The following PIK3C2G variants were observed in gnomAD, a reference collection of about 807,000 sequenced individuals.
The protein encoded by PIK3C2G is phosphatidylinositol-4-phosphate 3-kinase catalytic subunit type 2 gamma, also known as phosphatidylinositol 3-kinase C2 domain-containing subunit gamma.
A neutral mutation model predicts 181.1 loss-of-function variants in PIK3C2G; 168 were observed. The observed-to-expected ratio is 0.93, with a 90% CI of 0.82 to 1.05. The LOEUF is 1.05. Ranked by LOEUF, PIK3C2G falls within the 50% of genes least tolerant of loss-of-function variation. PIK3C2G has a pLI of 0.00. For missense variants in PIK3C2G, 1,869 were observed against 1,732.8 expected, an observed-to-expected ratio of 1.08 and a Z score of -1.40; for synonymous variants, 573 against 592.2, an observed-to-expected ratio of 0.97 and a Z score of 0.47.
At chr12:18,253,318 CA>C (rs1195253230) in intron 1 of PIK3C2G, among the ~76,000 whole-genome samples, 6 of 151,810 alleles carry the variant, frequency 4.0e-5, no homozygotes, top group Non-Finnish European at 8.8e-5. Context: ...AGAAGTAATA[CA>C]AAACAGATGT....
the PIK3C2G span, among the ~76,000 whole-genome samples, chr12:18,685,909 T>A: frequency 6.6e-6 from 1 of 151,504 alleles, no homozygotes; most frequent in Non-Finnish European, 1.5e-5. Flanking sequence ...AAGCCCTCAC[T>A]TTCAGTTGTC....
At chr12:18,271,450 G>A (rs75793076) in intron 1 of PIK3C2G, among the ~76,000 whole-genome samples, 2,730 of 152,114 alleles carry the variant, frequency 0.018, 80 homozygotes, top group African/African-American at 0.062. Flanking sequence ...AAGAGACTGC[G>A]TTTCCAGCCT....
At chr12:18,390,184 T>C (rs1943448455) in intron 14 of PIK3C2G, among the ~76,000 whole-genome samples, 1 of 152,070 alleles carries the variant, frequency 6.6e-6, no homozygotes, top group African/African-American at 2.4e-5. Flanking sequence ...TAGAATGAAA[T>C]TACTAAAACT....
rs1940983856 is a variant in PIK3C2G at position 18,496,076 on chromosome 12, T to C, written c.2808T>C (p.Phe936=). The part of the protein sequence containing the change: ...KGIDHDACSY[F]TSNALPLKIT... ...TTTTCCTATAGGCATGTTCATATTT[T>C]ACATCTAATGCTTTGCCATTGAAGA... The change falls in exon 21 of 33, where the codon TTT becomes TTC. Residue 936 remains phenylalanine (F), a synonymous_variant. Coordinates refer to ENST00000538779, the MANE Select transcript of PIK3C2G (RefSeq NM_001288772.2). The C allele has an allele frequency of 1.3e-6, 2 of 1,520,076 alleles. No individual in the cohort carries two copies. Among genetic ancestry groups the C allele is most frequent in the Non-Finnish European group, 1.8e-6 (2 of 1,126,916 alleles). The allele number at this position is 1,520,076 out of a possible 1,614,324, so 94.2% of individuals were successfully genotyped here. A position where few individuals can be genotyped will look rare whatever the true frequency, so the allele number is the denominator to read the frequency against.
At chr12:18,313,121 C>A (rs937444881) in intron 5 of PIK3C2G, among the ~76,000 whole-genome samples, 1 of 152,010 alleles carries the variant, frequency 6.6e-6, no homozygotes, top group African/African-American at 2.4e-5. Flanking sequence ...TAAAAGTCAC[C>A]AGAGATACCA....
intron 29 of PIK3C2G, among the ~76,000 whole-genome samples, chr12:18,594,265 G>A (rs941911972): frequency 1.3e-5 from 2 of 152,006 alleles, no homozygotes; most frequent in Non-Finnish European, 2.9e-5. Flanking sequence ...TGAACCTCTT[G>A]AAGAAATGGA....
the PIK3C2G span, among the ~76,000 whole-genome samples, chr12:18,672,329 C>A: frequency 6.6e-6 from 1 of 152,028 alleles, no homozygotes; most frequent in Non-Finnish European, 1.5e-5. Context: ...ACAAACCTTT[C>A]CCGACAGTTA....
intron 2 of PIK3C2G, among the ~76,000 whole-genome samples, chr12:18,286,642 A>G (rs2137158122): frequency 6.6e-6 from 1 of 152,260 alleles, no homozygotes; most frequent in Non-Finnish European, 1.5e-5. Context: ...TACTGATAGT[A>G]GAGTTTTATG....
At chr12:18,693,291 A>G in the PIK3C2G span, 5 of 1,523,132 alleles carry the variant, frequency 3.3e-6, no homozygotes, top group South Asian at 1.1e-5. Flanking sequence ...TCCCCTGGTC[A>G]CAGTGATGAA....
intron 30 of PIK3C2G, among the ~76,000 whole-genome samples, chr12:18,596,245 A>C (rs1320889780): frequency 6.6e-6 from 1 of 152,024 alleles, no homozygotes. Flanking sequence ...TTCATGTGTA[A>C]ATGTTCTGGC....
intron 24 of PIK3C2G, among the ~76,000 whole-genome samples, chr12:18,518,717 T>C (rs1441712667): frequency 6.6e-6 from 1 of 152,198 alleles, no homozygotes; most frequent in Non-Finnish European, 1.5e-5. Flanking sequence ...AGGTTTTTTG[T>C]ATCTCTATCA....
intron 31 of PIK3C2G, among the ~76,000 whole-genome samples, chr12:18,638,090 G>T (rs1458526085): frequency 2.0e-5 from 3 of 152,132 alleles, no homozygotes; most frequent in Non-Finnish European, 2.9e-5. Context: ...GAAAACTCAA[G>T]TAATTATTTT....
chr12:18,690,862 C>A, the PIK3C2G span, among the ~76,000 whole-genome samples: 3 of 152,072 alleles, frequency 2.0e-5, no homozygotes, highest in African/African-American at 4.8e-5. Context: ...GGATGAAAGG[C>A]TAGAAGTGGT....
At position 18,594,506 on chromosome 12, in the gene PIK3C2G, C is replaced by T. The variant is rs753794461; in HGVS notation, c.4024C>T (p.Leu1342Phe). 1.1e-5 allele frequency: 17 copies of T among 1,552,848 alleles called. No individual in the cohort carries two copies. Among genetic ancestry groups the T allele is most frequent in the Non-Finnish European group, 1.4e-5 (16 of 1,154,364 alleles). Residue 1342 changes from leucine (L) to phenylalanine (F), a missense_variant, in exon 30 of 33, where the codon CTT (leucine) becomes TTT (phenylalanine). Transcript: ENST00000538779. Reference sequence around the variant, plus strand: ...TTTTGTTTTTCAGAGTGATTGTGTACTTAGCTTTTTCCTCTCTGAGGCTGT... The same window carrying T: ...TTTTGTTTTTCAGAGTGATTGTGTATTTAGCTTTTTCCTCTCTGAGGCTGT... ...SHEVTNSDCV[L>F]SFFLSEAVQQ...
chr12:18,513,426 G>C (rs1479018018), intron 24 of PIK3C2G, among the ~76,000 whole-genome samples: 2 of 151,208 alleles, frequency 1.3e-5, no homozygotes, highest in African/African-American at 2.4e-5. Flanking sequence ...TCCAGTTGTG[G>C]GCTTTTCTTT....
intron 1 of PIK3C2G, among the ~76,000 whole-genome samples, chr12:18,269,328 A>AT (rs1003691867): frequency 8.7e-5 from 13 of 149,542 alleles, no homozygotes; most frequent in Admixed American, 2.7e-4. Flanking sequence ...TTCACCTATA[A>AT]TTTTTTTTTT....
intron 12 of PIK3C2G, among the ~76,000 whole-genome samples, chr12:18,369,957 A>G (rs1274612895): frequency 1.4e-4 from 3 of 22,004 alleles, no homozygotes; most frequent in Non-Finnish European, 2.4e-4. Context: ...TCATATAACG[A>G]TCGTATAATT....
intron 28 of PIK3C2G, among the ~76,000 whole-genome samples, chr12:18,565,762 T>G (rs991485317): frequency 1.3e-5 from 2 of 152,196 alleles, no homozygotes; most frequent in African/African-American, 4.8e-5. Flanking sequence ...TTAGTACATA[T>G]ATCTATAAAA....
the PIK3C2G span, among the ~76,000 whole-genome samples, chr12:18,706,605 A>G: frequency 5.9e-5 from 9 of 152,250 alleles, no homozygotes; most frequent in African/African-American, 1.9e-4. Context: ...CTTGCCATTA[A>G]ATAGGGAACA....
Sources: allele counts gnomAD v4.1 joint callset (sites outside exome capture counted in the v4.1 genomes callset), GRCh38; gene constraint gnomAD v4.1.1; transcripts MANE v1.5; gene names NCBI Gene and HGNC (gene_info 2026-07-23, HGNC 2026-07-21).